Variants in LIMD1 observed in about 807,000 individuals in gnomAD.
LIMD1 encodes LIM domain-containing protein 1.
Under a neutral mutation model 58.4 loss-of-function variants are expected in LIMD1, and 23 were observed. The observed-to-expected ratio is 0.39, with a 90% CI of 0.28 to 0.56. The LOEUF (loss-of-function observed/expected upper bound fraction) is 0.56. LIMD1 is among the 20% of genes least tolerant of loss of function. LIMD1 has a pLI of 0.57. For synonymous variants in LIMD1, 334 were observed against 345.5 expected (o/e 0.97, Z 0.37); for missense variants, 838 against 855.5 (o/e 0.98, Z 0.25).
chr3:45,668,365 G>C lies in LIMD1; in HGVS notation c.1641+9G>C. On this transcript the variant is annotated intron_variant, in intron 4 of 7. Transcript: ENST00000273317. The stretch of plus-strand genomic sequence containing the variant: ...ATCTGATCATGGACATGGTGAGTAG[G>C]TCAGCCAAAGAAGAGAACAGCATCT... The C allele has an allele frequency of 6.2e-7, 1 of 1,609,664 alleles. No homozygotes were observed. Among genetic ancestry groups the C allele is most frequent in the Non-Finnish European group, 8.5e-7 (1 of 1,176,484 alleles).
At chr3:45,672,986 G>A (rs1324681562) in intron 5 of LIMD1, among the ~76,000 whole-genome samples, 166 bp downstream of exon 5, 2 of 152,032 alleles carry the variant, frequency 1.3e-5, no homozygotes, top group Admixed American at 6.5e-5. Context: ...TGGGAGGTTG[G>A]TCGATGCCAG....
At chr3:45,658,856 CA>C (rs1697388299) in intron 2 of LIMD1, among the ~76,000 whole-genome samples, 1 of 152,060 alleles carries the variant, frequency 6.6e-6, no homozygotes, top group African/African-American at 2.4e-5. Context: ...TGCCTGGCCT[CA>C]CCATGCAGAT....
intron 2 of LIMD1, among the ~76,000 whole-genome samples, chr3:45,642,543 TTA>T (rs1414183198): frequency 6.6e-6 from 1 of 152,230 alleles, no homozygotes; most frequent in Non-Finnish European, 1.5e-5. Flanking sequence ...ACTGTCACTT[TTA>T]TGTTTTCCCT....
Position 45,680,347 on chromosome 3 carries a change from C to T in LIMD1, c.*3288C>T, listed in dbSNP as rs1238595871. The T allele has an allele frequency of 1.3e-5, 2 of 152,134 alleles. No homozygotes were observed. The highest frequency in any genetic ancestry group is 6.6e-5 in the Admixed American group (1 of 15,266). 9.4% of individuals were successfully genotyped at this position (152,134 alleles called of 1,614,324 possible). A position where few individuals can be genotyped will look rare whatever the true frequency, so the allele number is the denominator to read the frequency against. ...TTTTTTTTTGAGACAGGGCCTCACT[C>T]TGTTGCCCAGGCTGGAGTGCAGTGG... is the stretch of plus-strand genomic sequence containing the variant. On this transcript the variant is annotated 3_prime_UTR_variant, in exon 8 of 8. Coordinates refer to ENST00000273317, the MANE Select transcript of LIMD1 (RefSeq NM_014240.3).
chr3:45,595,887 G>C lies in LIMD1; in HGVS notation c.1008G>C (p.Trp336Cys). Residue 336 changes from tryptophan (W) to cysteine (C), a missense_variant, in exon 1 of 8, where the codon TGG (tryptophan) becomes TGC (cysteine). By Grantham distance (215) the Trp-to-Cys change is radical (BLOSUM62 -2). Coordinates refer to ENST00000273317, the MANE Select transcript of LIMD1 (RefSeq NM_014240.3). ...AACCCAATGTGGACCCCCAACCCTGGTTCCAGGATGGGCCCAAATCTTACC... is the reference window on the plus strand; with the variant it reads ...AACCCAATGTGGACCCCCAACCCTGCTTCCAGGATGGGCCCAAATCTTACC... ...MSKPNVDPQP[W>C]FQDGPKSYLS... 6.2e-7 allele frequency: 1 copy of C among 1,614,216 alleles called. No individual in the cohort carries two copies. The highest frequency in any genetic ancestry group is 8.5e-7 in the Non-Finnish European group (1 of 1,180,038).
At chr3:45,632,295 C>CCA in intron 1 of LIMD1, among the ~76,000 whole-genome samples, 2 of 152,196 alleles carry the variant, frequency 1.3e-5, no homozygotes, top group Non-Finnish European at 2.9e-5. Context: ...TAACTCATAT[C>CCA]TTGACATTTT....
In LIMD1 at chr3:45,686,331, T is replaced by A. The variant is rs1246453109; in HGVS notation, c.*9272T>A. 6.6e-6 allele frequency: 1 copy of A among 151,956 alleles called. No individual in the cohort carries two copies. Among genetic ancestry groups the A allele is most frequent in the Non-Finnish European group, 1.5e-5 (1 of 68,010 alleles). 9.4% of individuals were successfully genotyped at this position (151,956 alleles called of 1,614,324 possible). On this transcript the variant is annotated 3_prime_UTR_variant, in exon 8 of 8. Transcript: ENST00000273317. The stretch of plus-strand genomic sequence containing the variant: ...TCGCTGGCTAATAAAGGACTCTTAA[T>A]TCGTCTTAAAGTGTGGCGTTTTTCT...
chr3:45,672,435 T>C (rs1382913708), intron 4 of LIMD1, among the ~76,000 whole-genome samples: 1 of 152,180 alleles, frequency 6.6e-6, no homozygotes, highest in Non-Finnish European at 1.5e-5. Flanking sequence ...AAAGGAGCCC[T>C]CTTTCCCTGC....
At position 45,663,868 on chromosome 3, in the gene LIMD1, A is replaced by ATTTTTTTTTTTTTTTTTTTTTTTT. The variant is rs553757543; in HGVS notation, c.1511-1762_1511-1761insTTTTTTTTTTTTTTTTTTTTTTTT. On this transcript the variant is annotated intron_variant, in intron 2 of 7. Coordinates refer to ENST00000273317, the MANE Select transcript of LIMD1 (RefSeq NM_014240.3). Reference sequence around the variant, plus strand: ...TAGTGCGTGGCACCATGCCTGGCTAATTTTTTTTTTTTTTTTTTTTGAGAC... The same window carrying ATTTTTTTTTTTTTTTTTTTTTTTT: ...TAGTGCGTGGCACCATGCCTGGCTAATTTTTTTTTTTTTTTTTTTTTTTTTTTTTTTTTTTTTTTTTTTTGAGAC... Among the ~76,000 whole-genome samples, 17 of 102,850 alleles carry ATTTTTTTTTTTTTTTTTTTTTTTT rather than the reference A, an allele frequency of 1.7e-4. 1 individual carries two copies. In the East Asian group the frequency reaches 1.9e-3, roughly 11 times the overall value. The allele number at this position is 102,850 out of a possible 152,430, so 67.5% of individuals were successfully genotyped here.
chr3:45,598,332 G>C (rs1165081962), intron 1 of LIMD1, among the ~76,000 whole-genome samples: 1 of 152,214 alleles, frequency 6.6e-6, no homozygotes, highest in Non-Finnish European at 1.5e-5. Context: ...CCACATTTGG[G>C]AGTAATAGTT....
At chr3:45,597,394 G>A (rs1276952843) in intron 1 of LIMD1, among the ~76,000 whole-genome samples, 2 of 152,176 alleles carry the variant, frequency 1.3e-5, no homozygotes, top group Admixed American at 6.5e-5. Flanking sequence ...CACCACAGCC[G>A]TGGCACAAAC....
chr3:45,668,040 A>G (rs1431699518), intron 3 of LIMD1, among the ~76,000 whole-genome samples: 1 of 152,210 alleles, frequency 6.6e-6, no homozygotes, highest in Non-Finnish European at 1.5e-5. Context: ...AGTCCCTTAC[A>G]TAGAGCCTGG....
intron 2 of LIMD1, among the ~76,000 whole-genome samples, chr3:45,656,802 C>T (rs1456732398): frequency 6.6e-6 from 1 of 152,206 alleles, no homozygotes; most frequent in Non-Finnish European, 1.5e-5. Context: ...AGGCGTGAGC[C>T]ACCACGCCCA....
At chr3:45,647,903 C>T (rs1270177453) in intron 2 of LIMD1, among the ~76,000 whole-genome samples, 2 of 152,102 alleles carry the variant, frequency 1.3e-5, no homozygotes, top group African/African-American at 4.8e-5. Context: ...ACCCCTGTAC[C>T]TTGTCACCCT....
chr3:45,657,293 G>A (rs900311497), intron 2 of LIMD1, among the ~76,000 whole-genome samples: 4 of 152,094 alleles, frequency 2.6e-5, no homozygotes, highest in Admixed American at 1.3e-4. Flanking sequence ...GAGTTTTTAC[G>A]GAGCTGTTCA....
In LIMD1 at chr3:45,598,145, T is replaced by TG. The variant is rs200640706; in HGVS notation, c.1408+1864dup. Reference sequence around the variant, plus strand: ...GCAGGGGAGGAAGGGGACGTGGAGGTGGGGGGTCCTCTCTAGGTTGCCCAG... The same window carrying TG: ...GCAGGGGAGGAAGGGGACGTGGAGGTGGGGGGGTCCTCTCTAGGTTGCCCAG... On this transcript the variant is annotated intron_variant, in intron 1 of 7. Transcript: ENST00000273317. 1.6e-3 allele frequency among the ~76,000 whole-genome samples: 245 copies of TG among 151,652 alleles called. 3 individuals are homozygous for TG. In the East Asian group the frequency reaches 0.023, roughly 14 times the overall value.
intron 2 of LIMD1, among the ~76,000 whole-genome samples, chr3:45,652,906 T>G (rs1298065616): frequency 6.6e-6 from 1 of 152,198 alleles, no homozygotes; most frequent in Non-Finnish European, 1.5e-5. Context: ...AAACTAACTA[T>G]AAGACAAAGA....
In LIMD1 at chr3:45,594,776, T is replaced by TC; in HGVS notation, c.-103dup. 1 of 765,450 alleles carries TC rather than the reference T, an allele frequency of 1.3e-6. No homozygotes were observed. The highest frequency in any genetic ancestry group is 1.9e-6 in the Non-Finnish European group (1 of 515,350). The allele number at this position is 765,450 out of a possible 1,614,324, so 47.4% of individuals were successfully genotyped here. On this transcript the variant is annotated 5_prime_UTR_variant, in exon 1 of 8. Transcript: ENST00000273317. ...CTTCGCCAGCATCTCCCCGCTGCCC[T>TC]CAACACACACACACACACACACACA...
chr3:45,676,859 C>T (rs2125671756), intron 7 of LIMD1, 63 bp from the exon 8 acceptor site: 1 of 1,546,110 alleles, frequency 6.5e-7, no homozygotes, highest in South Asian at 1.1e-5. Context: ...GGACTGTGGC[C>T]TTCAGGTCAG....
Sources: gnomAD v4.1 joint callset for allele counts (sites outside exome capture counted in the v4.1 genomes callset) on GRCh38, gnomAD v4.1.1 for gene constraint, MANE v1.5 for transcripts, NCBI Gene and HGNC (gene_info 2026-07-23, HGNC 2026-07-21) for gene names.